The following ZNF638 variants were observed in gnomAD, a reference collection of about 807,000 sequenced individuals.
ZNF638 encodes zinc finger protein 638.
Under a neutral mutation model 195.6 loss-of-function variants are expected in ZNF638, and 46 were observed. The observed-to-expected ratio is 0.24, with a 90% CI of 0.19 to 0.30. ZNF638 has a LOEUF of 0.30. Among genes scored for constraint, ZNF638 ranks in the 10% least tolerant of loss-of-function variants. The probability of loss-of-function intolerance (pLI) is 1.00; values close to 1 mark genes in which losing one functional copy is unlikely to be tolerated. For synonymous variants in ZNF638, 845 were observed against 772.0 expected, an observed-to-expected ratio of 1.09 and a Z score of -1.57; for missense variants, 2,440 against 2,325.3, an observed-to-expected ratio of 1.05 and a Z score of -1.01.
Position 71,427,305 on chromosome 2 carries a change from A to C in ZNF638, c.5436A>C (p.Arg1812Ser). The C allele has an allele frequency of 6.2e-7, 1 of 1,613,140 alleles. No individual in the cohort carries two copies. Among genetic ancestry groups the C allele is most frequent in the Non-Finnish European group, 8.5e-7 (1 of 1,179,826 alleles). The change falls in exon 24 of 28, where the codon AGA (arginine) becomes AGC (serine). Residue 1812 changes from arginine to serine, a missense_variant. By Grantham distance (110) the Arg-to-Ser change is moderately radical (BLOSUM62 -1). Coordinates refer to ENST00000264447, the MANE Select transcript of ZNF638 (RefSeq NM_014497.5). ...PTDKKGNRKKRAVDTKKTKLE... is the reference protein window; with the variant it reads ...PTDKKGNRKKSAVDTKKTKLE... ...ATAAAAAAGGGAATAGAAAGAAGAG[A>C]GCTGTGGACACAAAAAAGACAAAAC...
chr2:71,426,608 A>C lies in ZNF638; in HGVS notation c.4739A>C (p.Lys1580Thr). The C allele has an allele frequency of 6.2e-7, 1 of 1,614,178 alleles. No individual in the cohort carries two copies. The highest frequency in any genetic ancestry group is 8.5e-7 in the Non-Finnish European group (1 of 1,180,026). The stretch of plus-strand genomic sequence containing the variant: ...GTTCCTTTCTCTGAACTTAACTTAA[A>C]GAAGAAAAAGGGGAAAACTTCCACT... Reference protein sequence around the residue: ...KNVPFSELNLKKKKGKTSTPR... With the variant: ...KNVPFSELNLTKKKGKTSTPR... The change falls in exon 24 of 28, where the codon AAG becomes ACG. Residue 1580 changes from lysine to threonine, a missense_variant. Physicochemically the swap from Lys to Thr is moderately conservative, Grantham distance 78. Transcript: ENST00000264447.
At chr2:71,418,178 T>G (rs2080343966) in intron 20 of ZNF638, 1 of 152,912 alleles carries the variant, frequency 6.5e-6, no homozygotes, top group African/African-American at 2.4e-5. Flanking sequence ...AAAAGGATTA[T>G]TGTTCAATTT....
intron 8 of ZNF638, among the ~76,000 whole-genome samples, chr2:71,378,318 T>TA (rs1300909861): frequency 6.6e-6 from 1 of 152,230 alleles, no homozygotes; most frequent in Non-Finnish European, 1.5e-5. Context: ...AATTGAAAAT[T>TA]ACCATTAGTA....
chr2:71,332,381 G>T (rs2078587826), intron 1 of ZNF638, among the ~76,000 whole-genome samples: 1 of 152,248 alleles, frequency 6.6e-6, no homozygotes, highest in South Asian at 2.1e-4. Flanking sequence ...TGCAAGAAGC[G>T]TGGAGAGAAG....
intron 10 of ZNF638, among the ~76,000 whole-genome samples, chr2:71,387,348 T>C (rs34607567): frequency 0.099 from 15,054 of 152,214 alleles, 811 homozygotes; most frequent in Non-Finnish European, 0.12. Flanking sequence ...TTCATTAAAT[T>C]AGCTACTTTT....
chr2:71,417,690 T>C (rs2080330524), intron 20 of ZNF638, among the ~76,000 whole-genome samples: 1 of 152,020 alleles, frequency 6.6e-6, no homozygotes, highest in Non-Finnish European at 1.5e-5. Flanking sequence ...AATAAACTTT[T>C]CTCCTTAATG....
intron 1 of ZNF638, among the ~76,000 whole-genome samples, chr2:71,344,915 G>T (rs538477968): frequency 6.6e-6 from 1 of 152,162 alleles, no homozygotes; most frequent in Non-Finnish European, 1.5e-5. Flanking sequence ...TTTGCTAAAT[G>T]ATTAAAAATG....
rs2079154922 is a variant in ZNF638 at position 71,364,096 on chromosome 2, C to G, written c.1561C>G (p.Arg521Gly). The G allele has an allele frequency of 6.2e-7, 1 of 1,614,118 alleles. No homozygotes were observed. Among genetic ancestry groups the G allele is most frequent in the South Asian group, 1.1e-5 (1 of 91,076 alleles). ...GCATTACATGTATAGGCCGAGAAGT[C>G]GAAGTCCAAGAATTTGCCATCGTTT... ...PMHYMYRPRS[R>G]SPRICHRFIS... The change falls in exon 5 of 28, where the codon CGA becomes GGA. Residue 521 changes from arginine (R) to glycine (G), a missense_variant. By Grantham distance (125) the Arg-to-Gly change is moderately radical (BLOSUM62 -2). Coordinates refer to ENST00000264447, the MANE Select transcript of ZNF638 (RefSeq NM_014497.5).
intron 11 of ZNF638, among the ~76,000 whole-genome samples, 190 bp downstream of exon 11, chr2:71,396,381 T>C (rs1393063567): frequency 6.6e-6 from 1 of 152,252 alleles, no homozygotes; most frequent in Non-Finnish European, 1.5e-5. Flanking sequence ...ATAGTAATTA[T>C]TGAAATAATT....
intron 20 of ZNF638, among the ~76,000 whole-genome samples, chr2:71,410,764 G>A (rs539710269): frequency 6.6e-6 from 1 of 152,232 alleles, no homozygotes; most frequent in South Asian, 2.1e-4. Context: ...AGTTATTTGA[G>A]AGACCTGATG....
chr2:71,399,687 C>CT (rs749601628), intron 13 of ZNF638, 42 bp downstream of exon 13: 67 of 1,523,590 alleles, frequency 4.4e-5, no homozygotes, highest in South Asian at 1.2e-4. Context: ...GTTTTCTTTT[C>CT]TTTTTTTTAA....
At chr2:71,362,309 A>G (rs1340232245) in intron 3 of ZNF638, among the ~76,000 whole-genome samples, 1 of 152,128 alleles carries the variant, frequency 6.6e-6, no homozygotes. Flanking sequence ...TAGGGCTATA[A>G]TTGCGGCTTC....
chr2:71,409,684 GAC>G (rs2080173484), intron 20 of ZNF638, among the ~76,000 whole-genome samples: 1 of 152,156 alleles, frequency 6.6e-6, no homozygotes, highest in South Asian at 2.1e-4. Flanking sequence ...GGGGAAAAAT[GAC>G]AGTCTTCATG....
Position 71,406,115 on chromosome 2 carries a change from TAAA to T in ZNF638, c.3001-9_3001-7del. On this transcript the variant is annotated splice_polypyrimidine_tract_variant and intron_variant, in intron 18 of 27. Transcript: ENST00000264447. Reference sequence around the variant, plus strand: ...CTGTGGTTTTTTCTGTGCTGTCTCTTAAAAAACTACAGGCAAACATAGATACAA... The same window carrying T: ...CTGTGGTTTTTTCTGTGCTGTCTCTTAAACTACAGGCAAACATAGATACAA... The T allele has an allele frequency of 6.2e-7, 1 of 1,612,898 alleles. No homozygotes were observed. The highest frequency in any genetic ancestry group is 8.5e-7 in the Non-Finnish European group (1 of 1,179,240).
rs570106606 is a variant in ZNF638 at position 71,418,747 on chromosome 2, A to G, written c.3299+108A>G. On this transcript the variant is annotated intron_variant, in intron 21 of 27. Transcript: ENST00000264447. ...CATGTAGTGAAAAGTTCTTTTCTGC[A>G]TATTTATTTTGTGTACATATGGGCT... 1.8e-5 allele frequency: 14 copies of G among 780,600 alleles called. No homozygotes were observed. The South Asian group carries it at 2.9e-4, about 16-fold the overall frequency. 48.4% of individuals were successfully genotyped at this position (780,600 alleles called of 1,614,324 possible). A position where few individuals can be genotyped will look rare whatever the true frequency, so the allele number is the denominator to read the frequency against.
intron 7 of ZNF638, among the ~76,000 whole-genome samples, chr2:71,368,788 G>A (rs1287072669): frequency 6.6e-6 from 1 of 152,180 alleles, no homozygotes; most frequent in Non-Finnish European, 1.5e-5. Context: ...CAACTACTGT[G>A]CTCTGGCATT....
At chr2:71,338,062 T>C (rs1010183471) in intron 1 of ZNF638, among the ~76,000 whole-genome samples, 1 of 152,220 alleles carries the variant, frequency 6.6e-6, no homozygotes, top group African/African-American at 2.4e-5. Flanking sequence ...TCTGGAGATT[T>C]ACCATTTCCA....
chr2:71,342,566 C>T (rs2078780175), intron 1 of ZNF638, among the ~76,000 whole-genome samples: 1 of 152,000 alleles, frequency 6.6e-6, no homozygotes, highest in Admixed American at 6.6e-5. Flanking sequence ...TTTATAATAG[C>T]CAAAGAAAAG....
At chr2:71,369,466 T>A (rs2079268889) in intron 7 of ZNF638, among the ~76,000 whole-genome samples, 1 of 152,132 alleles carries the variant, frequency 6.6e-6, no homozygotes, top group South Asian at 2.1e-4. Context: ...TAGCAAGACC[T>A]CTGTCTTAAT....
Sources: gnomAD v4.1 joint callset for allele counts (sites outside exome capture counted in the v4.1 genomes callset) on GRCh38, gnomAD v4.1.1 for gene constraint, MANE v1.5 for transcripts, NCBI Gene and HGNC (gene_info 2026-07-23, HGNC 2026-07-21) for gene names.